The following PHF8 variants were observed in gnomAD, a reference collection of about 807,000 sequenced individuals.
The protein encoded by PHF8 is PHD finger protein 8.
In PHF8, 9 loss-of-function variants were observed where a neutral mutation model predicts 74.4. The ratio of observed to expected loss-of-function variants is 0.12; its 90% CI spans 0.07 to 0.21. The LOEUF (loss-of-function observed/expected upper bound fraction) is 0.21, where lower values mean the gene tolerates loss of function less well. Ranked by LOEUF, PHF8 falls within the 10% of genes least tolerant of loss-of-function variation. The probability of loss-of-function intolerance (pLI) is 1.00; values close to 1 mark genes in which losing one functional copy is unlikely to be tolerated. For synonymous variants in PHF8, 311 were observed against 316.6 expected (o/e 0.98, Z 0.19); for missense variants, 478 against 816.6 (o/e 0.59, Z 5.05).
Position 53,939,053 on chromosome X carries a change from A to AC in PHF8, c.*104dup. ...AAGTCCCAAGAAAGCAGGACAATGCACCTCAGCACCTTGTCCAGGGCAGAT... is the reference window on the plus strand; with the variant it reads ...AAGTCCCAAGAAAGCAGGACAATGCACCCTCAGCACCTTGTCCAGGGCAGAT... On this transcript the variant is annotated 3_prime_UTR_variant, in exon 22 of 22. Transcript: ENST00000338154. 8.9e-7 allele frequency: 1 copy of AC among 1,127,614 alleles called. No homozygotes were observed. 92.9% of individuals were successfully genotyped at this position (1,127,614 alleles called of 1,213,427 possible). A position where few individuals can be genotyped will look rare whatever the true frequency, so the allele number is the denominator to read the frequency against.
At chrX:53,995,834 T>C (rs1557102708) in intron 11 of PHF8, 52 bp from the exon 12 acceptor site, 1 of 777,487 alleles carries the variant, frequency 1.3e-6, no homozygotes, top group South Asian at 2.2e-5. Context: ...AGACAACTGA[T>C]TTTGGACAAA....
At chrX:53,953,643 C>CAA (rs1208325871) in intron 19 of PHF8, among the ~76,000 whole-genome samples, 9 of 39,364 alleles carry the variant, frequency 2.3e-4, no homozygotes, top group Admixed American at 9.4e-4. Context: ...CACTCTGTCT[C>CAA]AAAAAAAAAA....
intron 1 of PHF8, 67 bp downstream of exon 1, chrX:54,043,695 A>C: frequency 2.9e-6 from 1 of 344,437 alleles, no homozygotes; most frequent in Non-Finnish European, 3.8e-6. Context: ...AGTCTCCCCA[A>C]ATGTTCAGGT....
chrX:54,038,513 A>G (rs782130998), intron 2 of PHF8, among the ~76,000 whole-genome samples: 2 of 111,911 alleles, frequency 1.8e-5, no homozygotes, highest in Non-Finnish European at 3.8e-5. Flanking sequence ...GGGCATCCCT[A>G]ACTTGTGTTT....
intron 19 of PHF8, among the ~76,000 whole-genome samples, chrX:53,959,106 TTATGA>T (rs1210355043): frequency 8.9e-6 from 1 of 111,885 alleles, no homozygotes; most frequent in African/African-American, 3.2e-5. Flanking sequence ...AGGAACATGC[TTATGA>T]TATAATATTA....
chrX:54,018,343 C>T (rs782385050), intron 4 of PHF8, among the ~76,000 whole-genome samples: 17 of 110,263 alleles, frequency 1.5e-4, no homozygotes, highest in African/African-American at 4.6e-4. Flanking sequence ...TACAGTCCTA[C>T]GTACTTGGGA....
intron 2 of PHF8, among the ~76,000 whole-genome samples, chrX:54,041,639 T>C (rs1433047040): frequency 8.9e-6 from 1 of 112,123 alleles, no homozygotes; most frequent in Non-Finnish European, 1.9e-5. Context: ...GGTGCTTATG[T>C]GCACACACGG....
chrX:53,964,868 C>CAAAAAAAAAAAAAA (rs782274910), intron 18 of PHF8, among the ~76,000 whole-genome samples: 1 of 37,759 alleles, frequency 2.6e-5, no homozygotes, highest in Non-Finnish European at 5.0e-5. Context: ...AACTCTGCCT[C>CAAAAAAAAAAAAAA]AAAAAAAAAA....
chrX:53,940,567 T>A (rs944322741), intron 20 of PHF8, 51 bp from the exon 21 acceptor site: 1 of 921,696 alleles, frequency 1.1e-6, no homozygotes, highest in Non-Finnish European at 1.6e-6. Context: ...AGAAGACAAG[T>A]TCCCAGGAAA....
chrX:53,977,316 C>G (rs1443805596), intron 18 of PHF8, among the ~76,000 whole-genome samples: 1 of 111,989 alleles, frequency 8.9e-6, no homozygotes, highest in Non-Finnish European at 1.9e-5. Flanking sequence ...GCCTGGGTGA[C>G]AGAGCAAGAC....
At position 53,990,686 on chromosome X, in the gene PHF8, TG is replaced by T. The variant is rs1287796711; in HGVS notation, c.1730+2049del. Among the ~76,000 whole-genome samples the T allele has an allele frequency of 1.3e-4, 14 of 111,810 alleles. No homozygotes were observed. The East Asian group carries it at 3.4e-3, about 27-fold the overall frequency. ...TATTTTCCACCCAGATGGGCCCAGA[TG>T]GACCTGAAGGTAACCTTTTCCTACA... On this transcript the variant is annotated intron_variant, in intron 14 of 21. Transcript: ENST00000338154.
chrX:54,046,702 A>G (rs1219582206), upstream of PHF8, among the ~76,000 whole-genome samples: 1 of 111,084 alleles, frequency 9.0e-6, no homozygotes, highest in Non-Finnish European at 1.9e-5. Flanking sequence ...TACAAGGCAC[A>G]TGTAAATGTA....
chrX:53,943,815 A>G (rs1557084290), intron 20 of PHF8, among the ~76,000 whole-genome samples: 1 of 112,135 alleles, frequency 8.9e-6, no homozygotes, highest in African/African-American at 3.2e-5. Flanking sequence ...AGGGCTTCAT[A>G]TGAGAGCAAA....
At chrX:53,994,014 T>C (rs1291017852) in intron 12 of PHF8, 111 bp from the exon 13 acceptor site, 4 of 554,508 alleles carry the variant, frequency 7.2e-6, no homozygotes, top group African/African-American at 2.3e-5. Flanking sequence ...AAGTGGCTTA[T>C]AGATGCTCCA....
intron 15 of PHF8, among the ~76,000 whole-genome samples, chrX:53,987,508 G>A (rs1557099912): frequency 1.8e-5 from 2 of 111,758 alleles, no homozygotes; most frequent in African/African-American, 6.5e-5. Context: ...TCAGGAGTTC[G>A]AGACCAGCCT....
chrX:54,014,117 G>A (rs1474450422), intron 7 of PHF8, among the ~76,000 whole-genome samples: 3 of 109,681 alleles, frequency 2.7e-5, no homozygotes, highest in Non-Finnish European at 3.8e-5. Context: ...CACCAAGCCC[G>A]GCTAATTTTT....
upstream of PHF8, among the ~76,000 whole-genome samples, chrX:54,047,230 T>G (rs1557117621): frequency 1.8e-5 from 2 of 111,810 alleles, no homozygotes; most frequent in Non-Finnish European, 3.8e-5. Flanking sequence ...GGAGGTTGAC[T>G]AGGCAGTGTT....
chrX:53,957,530 AAAAC>A (rs782255392), intron 19 of PHF8, among the ~76,000 whole-genome samples: 28 of 111,280 alleles, frequency 2.5e-4, no homozygotes, highest in Admixed American at 4.8e-4. Context: ...AAATAAATAA[AAAAC>A]AAACAAACAA....
chrX:53,973,014 G>A (rs782073128), intron 18 of PHF8, among the ~76,000 whole-genome samples: 18 of 111,448 alleles, frequency 1.6e-4, no homozygotes, highest in Non-Finnish European at 3.4e-4. Context: ...CAGACAAGCA[G>A]AGAGCCATAT....
Sources: allele counts gnomAD v4.1 joint callset (sites outside exome capture counted in the v4.1 genomes callset), GRCh38; gene constraint gnomAD v4.1.1; transcripts MANE v1.5; gene names NCBI Gene and HGNC (gene_info 2026-07-23, HGNC 2026-07-21).